KIAA1958: variants seen among roughly 807,000 people sequenced by gnomAD.
KIAA1958 encodes the protein uncharacterized protein KIAA1958.
Under a neutral mutation model 47.2 loss-of-function variants are expected in KIAA1958, and 14 were observed. The observed-to-expected ratio is 0.30, with a 90% CI of 0.20 to 0.46. The LOEUF (loss-of-function observed/expected upper bound fraction) is 0.46, where lower values mean the gene tolerates loss of function less well. KIAA1958 is among the 20% of genes least tolerant of loss of function. The pLI, the probability that KIAA1958 is intolerant of heterozygous loss-of-function variation, is 1.00. For synonymous variants in KIAA1958, 354 were observed against 353.3 expected, an observed-to-expected ratio of 1.00 and a Z score of -0.02; for missense variants, 803 against 909.2, an observed-to-expected ratio of 0.88 and a Z score of 1.50.
intron 3 of KIAA1958, among the ~76,000 whole-genome samples, chr9:112,653,563 G>T (rs921608965): frequency 1.4e-4 from 21 of 152,076 alleles, no homozygotes; most frequent in African/African-American, 5.1e-4. Flanking sequence ...CAGTCTAACT[G>T]GGCCTCCTCA....
At chr9:112,617,965 C>T (rs576034981) in intron 2 of KIAA1958, 1 of 1,550,548 alleles carries the variant, frequency 6.4e-7, no homozygotes, top group Admixed American at 2.0e-5. Context: ...GTGAGTTCCT[C>T]ATCTCCAAGT....
At position 112,644,902 on chromosome 9, in the gene KIAA1958, G is replaced by A. The variant is rs192819403; in HGVS notation, c.1172-748G>A. ...TGTAATCCCAGCCCTTTGGGAGGCC[G>A]AGGTGGGTGGATCACCTGAGGTCAG... On this transcript the variant is annotated intron_variant, in intron 2 of 3. Transcript: ENST00000337530. Among the ~76,000 whole-genome samples the A allele has an allele frequency of 6.9e-3, 1,044 of 152,232 alleles. 5 individuals carry two copies. The highest frequency in any genetic ancestry group is 0.011 in the Non-Finnish European group (736 of 68,008).
At chr9:112,596,146 G>A (rs959458064) in intron 2 of KIAA1958, among the ~76,000 whole-genome samples, 8 of 152,084 alleles carry the variant, frequency 5.3e-5, no homozygotes, top group African/African-American at 1.9e-4. Flanking sequence ...GACAACAAGT[G>A]AAATGACCGA....
chr9:112,549,901 A>C (rs1677693655), intron 1 of KIAA1958, among the ~76,000 whole-genome samples: 2 of 152,232 alleles, frequency 1.3e-5, no homozygotes. Flanking sequence ...CTAGCTCACA[A>C]AGTTGATAGT....
chr9:112,618,931 C>A lies in KIAA1958; in HGVS notation c.1172-26719C>A, dbSNP rs1836452019. The A allele has an allele frequency of 1.3e-6, 2 of 1,507,314 alleles. No homozygotes were observed. 93.4% of individuals were successfully genotyped at this position (1,507,314 alleles called of 1,614,324 possible). On this transcript the variant is annotated intron_variant, in intron 2 of 3. Transcript: ENST00000337530. This position sits in a 1 kb window ranked among gnomAD's most constrained non-coding sequence, Gnocchi z 7.1. ...ACACCGCTTGACCAGGTGGCTTGAG[C>A]AAGACTCCAGTTTGGTTACTGTGTC... is the stretch of plus-strand genomic sequence containing the variant.
At chr9:112,537,713 A>G (rs903893461) in intron 1 of KIAA1958, among the ~76,000 whole-genome samples, 4 of 152,236 alleles carry the variant, frequency 2.6e-5, no homozygotes, top group African/African-American at 9.6e-5. Flanking sequence ...TTAGTGTGAT[A>G]ACCACTTAGG....
chr9:112,636,123 A>G (rs1258072463), intron 2 of KIAA1958, among the ~76,000 whole-genome samples: 1 of 148,246 alleles, frequency 6.7e-6, no homozygotes, highest in African/African-American at 2.4e-5. Flanking sequence ...TATATATACT[A>G]TACATATATC....
intron 2 of KIAA1958, among the ~76,000 whole-genome samples, chr9:112,631,031 ACAAAT>A (rs1412526732): frequency 6.6e-6 from 1 of 152,254 alleles, no homozygotes; most frequent in African/African-American, 2.4e-5. Flanking sequence ...AGTAGTAACT[ACAAAT>A]CAAATAATGT....
chr9:112,557,732 A>G (rs1159276824), intron 1 of KIAA1958, among the ~76,000 whole-genome samples: 1 of 152,238 alleles, frequency 6.6e-6, no homozygotes, highest in Non-Finnish European at 1.5e-5. Context: ...GTCAACGCTG[A>G]GAAATCTGTA....
chr9:112,636,823 C>T (rs1284609586), intron 2 of KIAA1958, among the ~76,000 whole-genome samples: 1 of 152,038 alleles, frequency 6.6e-6, no homozygotes, highest in Non-Finnish European at 1.5e-5. Context: ...CTTTGCCCAG[C>T]CTGACAACAT....
intron 2 of KIAA1958, among the ~76,000 whole-genome samples, chr9:112,637,863 G>T (rs1469607538): frequency 6.6e-6 from 1 of 151,898 alleles, no homozygotes; most frequent in Non-Finnish European, 1.5e-5. Flanking sequence ...TTTCTCTTAT[G>T]CTGGGCCAGG....
At chr9:112,606,294 C>T (rs887900458) in intron 2 of KIAA1958, among the ~76,000 whole-genome samples, 29 of 152,186 alleles carry the variant, frequency 1.9e-4, no homozygotes, top group African/African-American at 5.3e-4. Flanking sequence ...CATAGGTTCA[C>T]GGGAGCCATA....
chr9:112,487,944 T>TGG (rs963105979), intron 1 of KIAA1958, among the ~76,000 whole-genome samples: 2 of 88,630 alleles, frequency 2.3e-5, no homozygotes, highest in Admixed American at 1.3e-4. Context: ...TTAGTGTGTG[T>TGG]GCGTGTGTGT....
At chr9:112,507,693 C>T (rs3911026) in intron 1 of KIAA1958, among the ~76,000 whole-genome samples, 145,919 of 152,276 alleles carry the variant, frequency 0.96, 69,987 homozygotes, top group African/African-American at 0.99. Context: ...TTTTGTGTGA[C>T]ATCAATCAAA....
chr9:112,520,742 A>G (rs1335060721), intron 1 of KIAA1958, among the ~76,000 whole-genome samples: 5 of 152,222 alleles, frequency 3.3e-5, no homozygotes, highest in Admixed American at 2.6e-4. Context: ...AAGTCAAAAT[A>G]CAAAGAATAA....
At chr9:112,550,631 C>T (rs1258617624) in intron 1 of KIAA1958, among the ~76,000 whole-genome samples, 1 of 152,162 alleles carries the variant, frequency 6.6e-6, no homozygotes, top group Non-Finnish European at 1.5e-5. Flanking sequence ...CCTGGAGAAC[C>T]AGGAGTCAGA....
Position 112,574,847 on chromosome 9 carries a change from T to C in KIAA1958, c.767T>C (p.Val256Ala), listed in dbSNP as rs1229769156. Residue 256 changes from valine to alanine, a missense_variant, in exon 2 of 4, where the codon GTC becomes GCC. Around this residue, in one of 2 missense-constraint regions of KIAA1958, gnomAD observed 761 missense variants for 829.3 expected, o/e 0.92. Transcript: ENST00000337530. ...GGGTCTGCTAAACTGATTCCCCATG[T>C]CACATCTGCCATCAGCACGGAGCTA... is the stretch of plus-strand genomic sequence containing the variant. ...CVGSAKLIPH[V>A]TSAISTELDP... The C allele has an allele frequency of 1.9e-6, 3 of 1,613,988 alleles. No homozygotes were observed. Among genetic ancestry groups the C allele is most frequent in the Non-Finnish European group, 2.5e-6 (3 of 1,180,026 alleles).
intron 1 of KIAA1958, among the ~76,000 whole-genome samples, chr9:112,501,973 TAGAAG>T (rs1470061038): frequency 6.6e-6 from 1 of 152,264 alleles, no homozygotes; most frequent in African/African-American, 2.4e-5. Flanking sequence ...GAGCAATTTA[TAGAAG>T]AGAAATGTTC....
At chr9:112,572,112 A>G (rs549743486) in intron 1 of KIAA1958, among the ~76,000 whole-genome samples, 61 of 152,258 alleles carry the variant, frequency 4.0e-4, no homozygotes, top group African/African-American at 1.4e-3. Context: ...CTTTCCGTTT[A>G]CATGGCTGCT....
Sources: gnomAD v4.1 joint callset for allele counts (sites outside exome capture counted in the v4.1 genomes callset) on GRCh38, gnomAD v4.1.1 for gene constraint, gnomAD v4.1.1 regional missense constraint, Gnocchi (gnomAD v3.1) non-coding constraint, MANE v1.5 for transcripts, NCBI Gene and HGNC (gene_info 2026-07-23, HGNC 2026-07-21) for gene names.